Variants in ZNF717 observed in about 807,000 individuals in gnomAD.
ZNF717 encodes krueppel-like factor X17.
A neutral mutation model predicts 13.8 loss-of-function variants in ZNF717; 9 were observed. The ratio of observed to expected loss-of-function variants is 0.65; its 90% confidence interval spans 0.39 to 1.14. The LOEUF (loss-of-function observed/expected upper bound fraction) is 1.14. Among genes scored for constraint, ZNF717 ranks in the 50% most tolerant of loss-of-function variants. The probability of loss-of-function intolerance (pLI) is 0.01; values close to 1 mark genes in which losing one functional copy is unlikely to be tolerated. For missense variants in ZNF717, 1,040 were observed against 1,080.7 expected, an observed-to-expected ratio of 0.96 and a Z score of 0.53; for synonymous variants, 327 against 364.1, an observed-to-expected ratio of 0.90 and a Z score of 1.16.
At position 75,738,073 on chromosome 3, in the gene ZNF717, C is replaced by A. The variant is rs112847134; in HGVS notation, c.1550G>T (p.Arg517Leu). 5 of 1,459,446 alleles carry A rather than the reference C, an allele frequency of 3.4e-6. No homozygotes were observed. The highest frequency in any genetic ancestry group is 1.3e-5 in the South Asian group (1 of 79,332). The allele number at this position is 1,459,446 out of a possible 1,614,324, so 90.4% of individuals were successfully genotyped here. ...YECNECGKTF[R>L]CKSFLTVHQR... ...ATGGACAGTGAGGAATGACTTACAG[C>A]GAAAGGTTTTCCCACATTCATTGCA... The change falls in exon 5 of 5, where the codon CGC becomes CTC. Residue 517 changes from arginine (R) to leucine (L), a missense_variant. Physicochemically the swap from Arg to Leu is moderately radical, Grantham distance 102. Coordinates refer to ENST00000652011, the MANE Select transcript of ZNF717 (RefSeq NM_001290208.3).
At chr3:75,744,347 CTTAACAAA>C (rs1940873533) in intron 2 of ZNF717, among the ~76,000 whole-genome samples, 2 of 127,322 alleles carry the variant, frequency 1.6e-5, no homozygotes, top group East Asian at 5.5e-4. Context: ...TAATAACAAT[CTTAACAAA>C]TTAATATGAC....
At chr3:75,720,488 G>A (rs1441034704) in intron 4 of ZNF717, among the ~76,000 whole-genome samples, 1 of 152,126 alleles carries the variant, frequency 6.6e-6, no homozygotes, top group Non-Finnish European at 1.5e-5. Flanking sequence ...ACTTCAAGGA[G>A]GGAGGAGGGA....
In ZNF717 at chr3:75,757,951, A is replaced by T. The variant is rs1318203094; in HGVS notation, c.58-16215T>A. Among the ~76,000 whole-genome samples, 6 of 65,528 alleles carry T rather than the reference A, an allele frequency of 9.2e-5. No homozygotes were observed. The South Asian group carries it at 2.1e-3, about 23-fold the overall frequency. 43.0% of individuals were successfully genotyped at this position (65,528 alleles called of 152,430 possible). A position where few individuals can be genotyped will look rare whatever the true frequency, so the allele number is the denominator to read the frequency against. ...AACATAGTGAAACCCTGTCTCTACT[A>T]AAAAAAAAAAAAAAAATTTATCTGA... On this transcript the variant is annotated intron_variant, in intron 2 of 4. Transcript: ENST00000652011.
intron 2 of ZNF717, among the ~76,000 whole-genome samples, chr3:75,760,208 T>A (rs535432391): frequency 0.13 from 13,642 of 109,080 alleles, 748 homozygotes; most frequent in African/African-American, 0.23. Flanking sequence ...TTTATATATT[T>A]TTTTTTTCTA....
intron 4 of ZNF717, among the ~76,000 whole-genome samples, chr3:75,720,102 C>CA (rs1169701609): frequency 6.6e-6 from 1 of 151,846 alleles, no homozygotes; most frequent in East Asian, 1.9e-4. Flanking sequence ...GAAGATTTCT[C>CA]AAAAAACAGA....
At chr3:75,712,205 A>C (rs1399186097) in intron 5 of ZNF717, among the ~76,000 whole-genome samples, 1 of 151,284 alleles carries the variant, frequency 6.6e-6, no homozygotes, top group Non-Finnish European at 1.5e-5. Context: ...CTCCATCCTC[A>C]AACTAGGCAA....
chr3:75,755,282 G>C (rs1474338467), intron 2 of ZNF717, among the ~76,000 whole-genome samples: 1 of 41,088 alleles, frequency 2.4e-5, no homozygotes, highest in African/African-American at 5.7e-5. Flanking sequence ...AAAGAATTGT[G>C]GTACAATAAA....
At chr3:75,754,843 C>T (rs1189774694) in intron 2 of ZNF717, among the ~76,000 whole-genome samples, 1 of 151,866 alleles carries the variant, frequency 6.6e-6, no homozygotes, top group Non-Finnish European at 1.5e-5. Context: ...CAGGAAGCCC[C>T]GAGAACACCA....
At chr3:75,758,135 A>AAAAG (rs1553676182) in intron 2 of ZNF717, among the ~76,000 whole-genome samples, 1 of 148,694 alleles carries the variant, frequency 6.7e-6, no homozygotes, top group Non-Finnish European at 1.5e-5. Context: ...AAAAAAAAAA[A>AAAAG]AGAGAGAGAG....
intron 2 of ZNF717, among the ~76,000 whole-genome samples, chr3:75,768,652 CTGAG>C (rs1224994294): frequency 6.9e-6 from 1 of 145,134 alleles, no homozygotes. Context: ...CTCACTGCAG[CTGAG>C]TGTGTCGGGG....
chr3:75,741,916 G>T, intron 2 of ZNF717, 180 bp from the exon 3 acceptor site: 1 of 702,040 alleles, frequency 1.4e-6, no homozygotes, highest in Non-Finnish European at 2.3e-6. Flanking sequence ...AAAGATTCTT[G>T]TCAAAAGAAC....
chr3:75,734,424 T>TTTTCTTTG (rs200055866), downstream of ZNF717, among the ~76,000 whole-genome samples: 1 of 148,256 alleles, frequency 6.7e-6, no homozygotes, highest in African/African-American at 2.5e-5. Context: ...GTAAAATGGG[T>TTTTCTTTG]TTTTTTTGTT....
At chr3:75,725,355 G>T (rs1196752034), downstream of ZNF717, among the ~76,000 whole-genome samples, 370 of 152,330 alleles carry the variant, frequency 2.4e-3, no homozygotes, top group Non-Finnish European at 3.8e-3. Flanking sequence ...GACTTCTAAT[G>T]ATTCAGCTCC....
downstream of ZNF717, among the ~76,000 whole-genome samples, chr3:75,727,718 G>A (rs1184090688): frequency 6.6e-6 from 1 of 152,208 alleles, no homozygotes; most frequent in Non-Finnish European, 1.5e-5. Context: ...TGCACAGCGG[G>A]ACACAGACCC....
At chr3:75,767,058 G>T in intron 2 of ZNF717, among the ~76,000 whole-genome samples, 1 of 152,372 alleles carries the variant, frequency 6.6e-6, no homozygotes, top group East Asian at 1.9e-4. Context: ...GCCAACAGAA[G>T]GTGACAAAGG....
intron 2 of ZNF717, among the ~76,000 whole-genome samples, chr3:75,761,082 C>A (rs200310742): frequency 6.6e-6 from 1 of 152,102 alleles, no homozygotes; most frequent in Non-Finnish European, 1.5e-5. Flanking sequence ...CACCATACTG[C>A]ATCATGGAGA....
At position 75,741,628 on chromosome 3, in the gene ZNF717, T is replaced by C; in HGVS notation, c.166A>G (p.Ser56Gly). The change falls in exon 3 of 5, where the codon AGC becomes GGC. Residue 56 changes from serine (S) to glycine (G), a missense_variant. Physicochemically the swap from Ser to Gly is moderately conservative, Grantham distance 56. Coordinates refer to ENST00000652011, the MANE Select transcript of ZNF717 (RefSeq NM_001290208.3). ...CACTCACCCAATGATACCAGGCTGC[T>C]GTAGGTCTCCAGCATCACGTCCCTG... is the stretch of plus-strand genomic sequence containing the variant. ...LYRDVMLETY[S>G]SLVSLGHYIT... 1 of 1,607,336 alleles carries C rather than the reference T, an allele frequency of 6.2e-7. No homozygotes were observed. Among genetic ancestry groups the C allele is most frequent in the Non-Finnish European group, 8.5e-7 (1 of 1,175,754 alleles).
intron 6 of ZNF717, among the ~76,000 whole-genome samples, chr3:75,697,308 A>G (rs1250009607): frequency 2.6e-5 from 4 of 152,286 alleles, no homozygotes; most frequent in Non-Finnish European, 5.9e-5. Context: ...TAAGGTTTGA[A>G]TATGTGTCCC....
chr3:75,743,471 CT>C (rs1185322981), intron 2 of ZNF717, among the ~76,000 whole-genome samples: 8 of 152,204 alleles, frequency 5.3e-5, no homozygotes, highest in Non-Finnish European at 1.2e-4. Flanking sequence ...CAAAAAATTG[CT>C]GTATCCACCC....
Sources: gnomAD v4.1 joint callset for allele counts (sites outside exome capture counted in the v4.1 genomes callset) on GRCh38, gnomAD v4.1.1 for gene constraint, MANE v1.5 for transcripts, NCBI Gene and HGNC (gene_info 2026-07-23, HGNC 2026-07-21) for gene names.